The following BACC1 variants were observed in gnomAD, a reference collection of about 807,000 sequenced individuals.
BACC1 encodes BPTF associated chromatin complex component 1.
At chr17:7,016,648 T>C in the BACC1 span, 1 of 1,613,728 alleles carries the variant, frequency 6.2e-7, no homozygotes, top group Non-Finnish European at 8.5e-7. Flanking sequence ...CCAGTGTCCC[T>C]GAGGCCGGGG....
Sources: gnomAD v4.1 joint callset for allele counts on GRCh38, gnomAD v4.1.1 for gene constraint, MANE v1.5 for transcripts, NCBI Gene and HGNC (gene_info 2026-07-23, HGNC 2026-07-21) for gene names.